The following ABCA13 variants were observed in gnomAD, a reference collection of about 807,000 sequenced individuals.
The protein encoded by ABCA13 is ATP binding cassette subfamily A member 13, also known as ATP-binding cassette sub-family A member 13.
Under a neutral mutation model 478.7 loss-of-function variants are expected in ABCA13, and 476 were observed. The ratio of observed to expected loss-of-function variants is 0.99; its 90% CI spans 0.92 to 1.07. ABCA13 has a LOEUF of 1.07. Ranked by LOEUF, ABCA13 falls within the 50% of genes least tolerant of loss-of-function variation. The probability of loss-of-function intolerance (pLI) is 0.00; values close to 1 mark genes in which losing one functional copy is unlikely to be tolerated. For missense variants in ABCA13, 6,060 were observed against 5,910.6 expected (o/e 1.03, Z -0.83); for synonymous variants, 2,252 against 2,158.9 (o/e 1.04, Z -1.20).
chr7:48,331,004 A>C (rs1284676270), intron 27 of ABCA13, among the ~76,000 whole-genome samples: 3 of 152,180 alleles, frequency 2.0e-5, no homozygotes, highest in African/African-American at 7.2e-5. Flanking sequence ...CAAATCTTCA[A>C]ATTCCTCTGC....
At chr7:48,186,760 T>C (rs1796404112) in intron 1 of ABCA13, among the ~76,000 whole-genome samples, 2 of 152,040 alleles carry the variant, frequency 1.3e-5, no homozygotes, top group African/African-American at 2.4e-5. Context: ...GTTGATTTAT[T>C]TTACTTCCAG....
chr7:48,405,321 T>G (rs1281426083), intron 39 of ABCA13, among the ~76,000 whole-genome samples: 2 of 152,228 alleles, frequency 1.3e-5, no homozygotes, highest in Non-Finnish European at 2.9e-5. Context: ...AGGCAGGCAG[T>G]GCCATGTGGT....
chr7:48,428,869 T>C (rs1181523023), intron 42 of ABCA13, among the ~76,000 whole-genome samples: 1 of 152,220 alleles, frequency 6.6e-6, no homozygotes, highest in Admixed American at 6.5e-5. Context: ...TTCAGAGTTC[T>C]GCATTCATCA....
At chr7:48,527,440 C>T (rs1409861649) in intron 54 of ABCA13, among the ~76,000 whole-genome samples, 1 of 152,010 alleles carries the variant, frequency 6.6e-6, no homozygotes, top group Non-Finnish European at 1.5e-5. Context: ...AGCTCCTAGC[C>T]ATCAGAAAAC....
intron 32 of ABCA13, among the ~76,000 whole-genome samples, chr7:48,369,197 A>G (rs1812247138): frequency 6.6e-6 from 1 of 152,064 alleles, no homozygotes; most frequent in South Asian, 2.1e-4. Context: ...CCATTTGTCT[A>G]TCTTCTTTTG....
At position 48,274,432 on chromosome 7, in the gene ABCA13, A is replaced by T. The variant is rs1263784232; in HGVS notation, c.4766A>T (p.Asp1589Val). Residue 1589 changes from aspartate to valine, a missense_variant, in exon 17 of 62, where the codon GAT (aspartate) becomes GTT (valine). Transcript: ENST00000435803. ...NIFATSPKEKDVNSVGNSIYH... is the reference protein window; with the variant it reads ...NIFATSPKEKVVNSVGNSIYH... ...TTTGCCACCAGTCCAAAAGAAAAGG[A>T]TGTAAACAGTGTAGGCAATTCCATT... is the stretch of plus-strand genomic sequence containing the variant. The T allele has an allele frequency of 6.2e-6, 10 of 1,613,480 alleles. No homozygotes were observed. Among genetic ancestry groups the T allele is most frequent in the Non-Finnish European group, 8.5e-6 (10 of 1,179,742 alleles).
At chr7:48,485,365 C>T (rs908204545) in intron 47 of ABCA13, among the ~76,000 whole-genome samples, 7 of 151,928 alleles carry the variant, frequency 4.6e-5, no homozygotes, top group African/African-American at 7.3e-5. Flanking sequence ...TTTATCACTT[C>T]GTGACTTATG....
intron 2 of ABCA13, among the ~76,000 whole-genome samples, chr7:48,196,808 C>G (rs1229136139): frequency 8.5e-5 from 13 of 152,172 alleles, no homozygotes; most frequent in African/African-American, 2.4e-5. Context: ...TATCTGGGCA[C>G]TGTTGCTGAC....
chr7:48,441,029 C>T (rs1823516286), intron 42 of ABCA13, among the ~76,000 whole-genome samples: 1 of 152,120 alleles, frequency 6.6e-6, no homozygotes, highest in African/African-American at 2.4e-5. Context: ...TTAAGTATTT[C>T]ATTACCAAAT....
intron 42 of ABCA13, among the ~76,000 whole-genome samples, chr7:48,434,668 T>C (rs1822587205): frequency 6.6e-6 from 1 of 151,964 alleles, no homozygotes; most frequent in Admixed American, 6.6e-5. Flanking sequence ...CTTTGATTTA[T>C]TTTGAGTTAA....
At position 48,352,340 on chromosome 7, in the gene ABCA13, CA is replaced by C. The variant is rs1809155363; in HGVS notation, c.10542del (p.Ala3515LeufsTer16). ...TGGAAGTTCCACCCTCAGAATCTAC[CA>C]GCTGATGGGTTCAAATATAACTACG... is the stretch of plus-strand genomic sequence containing the variant. Reference protein sequence around the residue: ...PSWKFHPQNLPADGFKYNYVF... With the variant: ...PSWKFHPQNLXADGFKYNYVF... On this transcript the variant is annotated frameshift_variant, in exon 31 of 62. Coordinates refer to ENST00000435803, the MANE Select transcript of ABCA13 (RefSeq NM_152701.5). LOFTEE classifies it high-confidence loss of function. The C allele has an allele frequency of 6.2e-7, 1 of 1,613,616 alleles. No individual in the cohort carries two copies. The highest frequency in any genetic ancestry group is 1.7e-5 in the Admixed American group (1 of 59,998).
chr7:48,362,133 C>T (rs1337326841), intron 31 of ABCA13, among the ~76,000 whole-genome samples: 1 of 151,826 alleles, frequency 6.6e-6, no homozygotes, highest in Non-Finnish European at 1.5e-5. Flanking sequence ...AGAATTTGGT[C>T]TGTGTTATTT....
At chr7:48,284,560 A>C (rs1797470865) in intron 19 of ABCA13, among the ~76,000 whole-genome samples, 1 of 152,200 alleles carries the variant, frequency 6.6e-6, no homozygotes, top group African/African-American at 2.4e-5. Flanking sequence ...CCACGTTTGA[A>C]GACACAATTA....
intron 11 of ABCA13, 136 bp downstream of exon 11, chr7:48,244,839 CT>C: frequency 9.1e-7 from 1 of 1,094,286 alleles, no homozygotes; most frequent in Non-Finnish European, 1.3e-6. Context: ...CATATTTATG[CT>C]TTACTCTGAT....
chr7:48,396,947 C>T (rs918191066), intron 38 of ABCA13, among the ~76,000 whole-genome samples: 1 of 152,226 alleles, frequency 6.6e-6, no homozygotes, highest in Non-Finnish European at 1.5e-5. Flanking sequence ...GTATTATGAA[C>T]ATTCTTTTGG....
At chr7:48,212,850 T>C (rs1785878942) in intron 3 of ABCA13, among the ~76,000 whole-genome samples, 1 of 152,194 alleles carries the variant, frequency 6.6e-6, no homozygotes, top group African/African-American at 2.4e-5. Context: ...TATGTATACA[T>C]ATTATACATG....
At chr7:48,537,645 G>A (rs549212482) in intron 55 of ABCA13, among the ~76,000 whole-genome samples, 2 of 152,234 alleles carry the variant, frequency 1.3e-5, no homozygotes, top group South Asian at 4.1e-4. Context: ...CAGAGTGGTG[G>A]GATGAGCAGT....
chr7:48,239,585 C>T (rs898761433), intron 9 of ABCA13, among the ~76,000 whole-genome samples, 180 bp downstream of exon 9: 5 of 152,232 alleles, frequency 3.3e-5, no homozygotes, highest in African/African-American at 1.2e-4. Flanking sequence ...TCAACTGGCT[C>T]CAGCTCCATA....
At chr7:48,470,465 T>A (rs986139083) in intron 44 of ABCA13, among the ~76,000 whole-genome samples, 7 of 152,360 alleles carry the variant, frequency 4.6e-5, no homozygotes, top group Non-Finnish European at 8.8e-5. Flanking sequence ...GAATTTTTTT[T>A]AAAAGTACAT....
Sources: gnomAD v4.1 joint callset for allele counts (sites outside exome capture counted in the v4.1 genomes callset) on GRCh38, gnomAD v4.1.1 for gene constraint, MANE v1.5 for transcripts, NCBI Gene and HGNC (gene_info 2026-07-23, HGNC 2026-07-21) for gene names.